The following CTNNA2 variants were observed in gnomAD, a reference collection of about 807,000 sequenced individuals.
CTNNA2 encodes the protein catenin alpha 2.
In CTNNA2, 42 loss-of-function variants were observed where a neutral mutation model predicts 101.0. The ratio of observed to expected loss-of-function variants is 0.42; its 90% CI spans 0.32 to 0.54. The LOEUF is 0.54. CTNNA2 is among the 20% of genes least tolerant of loss of function. CTNNA2 has a pLI of 0.14. For missense variants in CTNNA2, 871 were observed against 1,223.1 expected (o/e 0.71, Z 4.29); for synonymous variants, 450 against 456.4 (o/e 0.99, Z 0.18).
At chr2:80,527,173 C>A (rs940257092) in intron 9 of CTNNA2, among the ~76,000 whole-genome samples, 10 of 152,192 alleles carry the variant, frequency 6.6e-5, no homozygotes, top group Non-Finnish European at 1.0e-4. Flanking sequence ...AGAAAAAATT[C>A]TCAGATAACT....
At chr2:79,839,367 C>T (rs374604649) in intron 3 of CTNNA2, among the ~76,000 whole-genome samples, 4 of 151,888 alleles carry the variant, frequency 2.6e-5, no homozygotes, top group East Asian at 3.9e-4. Context: ...TTGAATTCTC[C>T]AGTTTTACTA....
At chr2:79,671,440 G>A (rs181924936) in intron 2 of CTNNA2, among the ~76,000 whole-genome samples, 1 of 152,166 alleles carries the variant, frequency 6.6e-6, no homozygotes, top group East Asian at 1.9e-4. Flanking sequence ...GTAAAAAGAT[G>A]GCAAGAAGCT....
intron 4 of CTNNA2, among the ~76,000 whole-genome samples, chr2:79,427,889 G>GCT (rs201536430): frequency 6.6e-6 from 1 of 151,882 alleles, no homozygotes; most frequent in East Asian, 1.9e-4. Context: ...AGATAATTTT[G>GCT]TGGAGTAATA....
intron 2 of CTNNA2, among the ~76,000 whole-genome samples, chr2:79,209,504 T>G (rs2104197061): frequency 6.6e-6 from 1 of 152,338 alleles, no homozygotes; most frequent in Middle Eastern, 3.4e-3. Context: ...ATGAGTAAAA[T>G]ACAATCTTTT....
chr2:80,195,482 C>T (rs1016909176), intron 7 of CTNNA2, among the ~76,000 whole-genome samples: 2 of 151,970 alleles, frequency 1.3e-5, no homozygotes, highest in Non-Finnish European at 2.9e-5. Context: ...TTTGACAAAT[C>T]GAGTCCAAGT....
intron 7 of CTNNA2, among the ~76,000 whole-genome samples, chr2:80,319,602 A>G (rs76073240): frequency 0.012 from 1,788 of 152,288 alleles, 48 homozygotes; most frequent in African/African-American, 0.04. Flanking sequence ...TGAAAATGAA[A>G]AGCAATACTT....
chr2:79,343,984 G>C (rs796922462), intron 3 of CTNNA2, among the ~76,000 whole-genome samples: 1 of 152,106 alleles, frequency 6.6e-6, no homozygotes, highest in African/African-American at 2.4e-5. Flanking sequence ...CAAAACCAAT[G>C]AGGCTCCTGG....
intron 1 of CTNNA2, among the ~76,000 whole-genome samples, chr2:79,544,928 T>C (rs17017233): frequency 0.34 from 51,617 of 152,000 alleles, 9,518 homozygotes; most frequent in East Asian, 0.5. Flanking sequence ...TCCCATTCTG[T>C]GCCCAATTGG....
intron 9 of CTNNA2, among the ~76,000 whole-genome samples, chr2:80,494,011 T>A (rs1687254956): frequency 6.6e-6 from 1 of 152,218 alleles, no homozygotes; most frequent in Non-Finnish European, 1.5e-5. Context: ...ATAAGTGGTC[T>A]GCGTGAGAAA....
chr2:80,206,538 AAAACAC>A (rs943129152), intron 7 of CTNNA2, among the ~76,000 whole-genome samples: 1 of 152,228 alleles, frequency 6.6e-6, no homozygotes, highest in Admixed American at 6.5e-5. Flanking sequence ...AGAAGCAACA[AAAACAC>A]AGTTTTGCAT....
chr2:79,433,771 G>A (rs1296847065), intron 4 of CTNNA2, among the ~76,000 whole-genome samples: 10 of 152,084 alleles, frequency 6.6e-5, no homozygotes, highest in African/African-American at 2.2e-4. Flanking sequence ...AAGAGACAAC[G>A]GGAAAGAAAA....
intron 6 of CTNNA2, among the ~76,000 whole-genome samples, chr2:79,907,332 T>C (rs1427909360): frequency 1.4e-5 from 2 of 147,370 alleles, no homozygotes; most frequent in Admixed American, 6.7e-5. Context: ...ATTATATATA[T>C]ACACACACAC....
At chr2:79,254,450 A>C (rs1573000700) in intron 2 of CTNNA2, among the ~76,000 whole-genome samples, 1 of 149,112 alleles carries the variant, frequency 6.7e-6, no homozygotes, top group South Asian at 2.1e-4. Context: ...AGTGTGTAGC[A>C]CCTCCCTCTA....
At chr2:79,940,989 A>G (rs2104455968) in intron 7 of CTNNA2, among the ~76,000 whole-genome samples, 1 of 152,298 alleles carries the variant, frequency 6.6e-6, no homozygotes, top group African/African-American at 2.4e-5. Context: ...TTATCCCAAA[A>G]GAGTGATCTT....
intron 7 of CTNNA2, among the ~76,000 whole-genome samples, chr2:79,993,290 G>T (rs1473562659): frequency 6.6e-6 from 1 of 152,152 alleles, no homozygotes; most frequent in Non-Finnish European, 1.5e-5. Context: ...ACAACTTCCT[G>T]CAGCATGGTA....
rs1224582783 is a variant in CTNNA2 at position 79,982,379 on chromosome 2, TATATAACATATATAAC to T, written c.1056+72588_1056+72603del. On this transcript the variant is annotated intron_variant, in intron 7 of 18. Transcript: ENST00000402739. ...TAACCTATATAACATATATATAACA[TATATAACATATATAAC>T]ATATATAACATATAACACATATATA... 9.2e-4 allele frequency among the ~76,000 whole-genome samples: 133 copies of T among 143,836 alleles called. 1 individual carries two copies. Among genetic ancestry groups the T allele is most frequent in the African/African-American group, 3.0e-3 (117 of 38,394 alleles). 94.4% of individuals were successfully genotyped at this position (143,836 alleles called of 152,430 possible).
chr2:80,351,232 C>G (rs1023189994), intron 7 of CTNNA2, among the ~76,000 whole-genome samples: 1 of 151,988 alleles, frequency 6.6e-6, no homozygotes. Flanking sequence ...AAATAGGGAA[C>G]CAAAAGTGAC....
chr2:80,394,838 G>A (rs1677854614), intron 8 of CTNNA2, among the ~76,000 whole-genome samples: 1 of 152,028 alleles, frequency 6.6e-6, no homozygotes. Flanking sequence ...AGGTCCCAAT[G>A]ACTGATAATC....
At chr2:80,610,170 T>C (rs1474757990) in intron 17 of CTNNA2, among the ~76,000 whole-genome samples, 2 of 151,732 alleles carry the variant, frequency 1.3e-5, no homozygotes, top group African/African-American at 2.4e-5. Context: ...GGCTTCCTCA[T>C]GATTTATTCC....
Sources: allele counts gnomAD v4.1 joint callset (sites outside exome capture counted in the v4.1 genomes callset), GRCh38; gene constraint gnomAD v4.1.1; transcripts MANE v1.5; gene names NCBI Gene and HGNC (gene_info 2026-07-23, HGNC 2026-07-21).